The following KCNJ3 variants were observed in gnomAD, a reference collection of about 807,000 sequenced individuals.
KCNJ3 encodes potassium inwardly rectifying channel subfamily J member 3.
In KCNJ3, 4 loss-of-function variants were observed where a neutral mutation model predicts 39.2. The ratio of observed to expected loss-of-function variants is 0.10; its 90% confidence interval spans 0.05 to 0.23. The LOEUF (loss-of-function observed/expected upper bound fraction) is 0.23. Ranked by LOEUF, KCNJ3 falls within the 10% of genes least tolerant of loss-of-function variation. KCNJ3 has a pLI of 1.00. For missense variants in KCNJ3, 276 were observed against 634.9 expected (o/e 0.43, Z 6.08); for synonymous variants, 230 against 237.4 (o/e 0.97, Z 0.29).
intron 2 of KCNJ3, among the ~76,000 whole-genome samples, chr2:154,821,208 A>AT (rs528187482): frequency 1.2e-3 from 184 of 152,136 alleles, no homozygotes; most frequent in African/African-American, 4.3e-3. Flanking sequence ...CATCTTGTGC[A>AT]TTTTTTTGCC....
rs1194943541 is a variant in KCNJ3 at position 154,699,493 on chromosome 2, C to T, written c.702+16C>T. The T allele has an allele frequency of 1.9e-6, 3 of 1,551,400 alleles. No individual in the cohort carries two copies. The highest frequency in any genetic ancestry group is 1.7e-6 in the Non-Finnish European group (2 of 1,153,696). ...GCTGCTCAAAGTAAGTGCTCCCCGCCCCTTCCCCACCGGGAGACCTGCGTC... is the reference window on the plus strand; with the variant it reads ...GCTGCTCAAAGTAAGTGCTCCCCGCTCCTTCCCCACCGGGAGACCTGCGTC... On this transcript the variant is annotated intron_variant, in intron 1 of 2. Transcript: ENST00000295101. The surrounding 1 kb of genome is among the most constrained non-coding windows in gnomAD (Gnocchi z 6.4).
At chr2:154,753,130 G>A (rs1685877334) in intron 2 of KCNJ3, among the ~76,000 whole-genome samples, 1 of 151,928 alleles carries the variant, frequency 6.6e-6, no homozygotes, top group Admixed American at 6.6e-5. Flanking sequence ...TGTTTTCGTA[G>A]CAAGACTTTT....
At chr2:154,725,983 G>A (rs1685349288) in intron 2 of KCNJ3, among the ~76,000 whole-genome samples, 1 of 152,078 alleles carries the variant, frequency 6.6e-6, no homozygotes, top group Admixed American at 6.6e-5. Flanking sequence ...GAACTTAAAT[G>A]TAAGACCTGA....
intron 2 of KCNJ3, among the ~76,000 whole-genome samples, chr2:154,761,408 A>T (rs1165602315): frequency 2.6e-5 from 4 of 152,184 alleles, no homozygotes; most frequent in Non-Finnish European, 5.9e-5. Flanking sequence ...TCTTGTGGGC[A>T]TATGCCCCTG....
intron 2 of KCNJ3, among the ~76,000 whole-genome samples, chr2:154,759,311 C>T (rs148076059): frequency 1.5e-3 from 232 of 151,294 alleles, no homozygotes; most frequent in Non-Finnish European, 2.6e-3. Context: ...CTCCAATGCA[C>T]CAGAAGGATT....
chr2:154,809,443 G>A (rs1225129759), intron 2 of KCNJ3, among the ~76,000 whole-genome samples: 1 of 152,158 alleles, frequency 6.6e-6, no homozygotes, highest in East Asian at 1.9e-4. Context: ...AATTAAATGA[G>A]ATAATCAGGT....
intron 2 of KCNJ3, among the ~76,000 whole-genome samples, chr2:154,811,473 T>C (rs773393571): frequency 6.6e-6 from 1 of 152,144 alleles, no homozygotes. Context: ...TTTGTATTTT[T>C]AGTAGAGTTG....
In KCNJ3 at chr2:154,858,025, A is replaced by G. The variant is rs1465932040; in HGVS notation, c.*2712A>G. ...GGCTTAGGACGGGGATAATATGTGA[A>G]CAGAAATCTATCTCATGAGAAAGTG... On this transcript the variant is annotated 3_prime_UTR_variant, in exon 3 of 3. Transcript: ENST00000295101. 2 of 151,694 alleles carry G rather than the reference A, an allele frequency of 1.3e-5. No homozygotes were observed. The highest frequency in any genetic ancestry group is 4.8e-5 in the African/African-American group (2 of 41,306). 9.4% of individuals were successfully genotyped at this position (151,694 alleles called of 1,614,324 possible). A position where few individuals can be genotyped will look rare whatever the true frequency, so the allele number is the denominator to read the frequency against.
At chr2:154,812,492 A>G (rs1412115408) in intron 2 of KCNJ3, among the ~76,000 whole-genome samples, 2 of 152,158 alleles carry the variant, frequency 1.3e-5, no homozygotes, top group Non-Finnish European at 2.9e-5. Flanking sequence ...TTGCTAATTC[A>G]TGACTTTTCT....
chr2:154,838,791 G>T (rs1479542913), intron 2 of KCNJ3, among the ~76,000 whole-genome samples: 2 of 152,090 alleles, frequency 1.3e-5, no homozygotes, highest in African/African-American at 4.8e-5. Flanking sequence ...ATTGTACTTT[G>T]CATGTAACAT....
At chr2:154,771,098 C>T (rs1014755724) in intron 2 of KCNJ3, among the ~76,000 whole-genome samples, 3 of 151,952 alleles carry the variant, frequency 2.0e-5, no homozygotes, top group African/African-American at 7.2e-5. Flanking sequence ...ACTATGTTGG[C>T]CAGGCTGGTC....
chr2:154,854,169 C>T (rs182697421), intron 2 of KCNJ3, among the ~76,000 whole-genome samples: 4 of 152,228 alleles, frequency 2.6e-5, no homozygotes, highest in South Asian at 4.1e-4. Flanking sequence ...TTAATTGAGT[C>T]ACTTATTGTA....
chr2:154,831,286 C>G (rs1399653855), intron 2 of KCNJ3, among the ~76,000 whole-genome samples: 1 of 152,104 alleles, frequency 6.6e-6, no homozygotes, highest in African/African-American at 2.4e-5. Context: ...TACTCCTTAT[C>G]TGATGGAGGT....
chr2:154,700,944 T>A (rs1349155447), intron 1 of KCNJ3, among the ~76,000 whole-genome samples: 1 of 152,190 alleles, frequency 6.6e-6, no homozygotes, highest in Non-Finnish European at 1.5e-5. Context: ...TAAACGTTCA[T>A]TAACTATGAA....
At chr2:154,738,244 TAGAG>T (rs1454897346) in intron 2 of KCNJ3, among the ~76,000 whole-genome samples, 1 of 151,900 alleles carries the variant, frequency 6.6e-6, no homozygotes, top group Non-Finnish European at 1.5e-5. Flanking sequence ...CTCAAGGAGA[TAGAG>T]AGCAGAACGA....
intron 2 of KCNJ3, among the ~76,000 whole-genome samples, chr2:154,788,770 T>C (rs549186035): frequency 7.2e-6 from 1 of 138,840 alleles, no homozygotes; most frequent in South Asian, 2.2e-4. Context: ...TGAGTGTGAG[T>C]TGTTTTTTTT....
intron 2 of KCNJ3, among the ~76,000 whole-genome samples, chr2:154,772,309 C>T (rs1420214117): frequency 6.6e-6 from 1 of 152,056 alleles, no homozygotes; most frequent in African/African-American, 2.4e-5. Context: ...TTCCTGTTCC[C>T]ACTCCTTACG....
intron 2 of KCNJ3, among the ~76,000 whole-genome samples, chr2:154,800,728 C>A (rs1418177792): frequency 6.6e-6 from 1 of 152,102 alleles, no homozygotes; most frequent in Non-Finnish European, 1.5e-5. Context: ...TTTTTGATGA[C>A]ACCAAACAAT....
At chr2:154,738,256 C>G (rs572343614) in intron 2 of KCNJ3, among the ~76,000 whole-genome samples, 1 of 151,808 alleles carries the variant, frequency 6.6e-6, no homozygotes, top group African/African-American at 2.4e-5. Flanking sequence ...GAGAGCAGAA[C>G]GATAGTCACC....
Sources: gnomAD v4.1 joint callset for allele counts (sites outside exome capture counted in the v4.1 genomes callset) on GRCh38, gnomAD v4.1.1 for gene constraint, Gnocchi (gnomAD v3.1) non-coding constraint, MANE v1.5 for transcripts, NCBI Gene and HGNC (gene_info 2026-07-23, HGNC 2026-07-21) for gene names.